The following GPC6 variants were observed in gnomAD, a reference collection of about 807,000 sequenced individuals.
The protein encoded by GPC6 is glypican-6.
Under a neutral mutation model 55.2 loss-of-function variants are expected in GPC6, and 14 were observed. The ratio of observed to expected loss-of-function variants is 0.25; its 90% CI spans 0.17 to 0.40. The LOEUF (loss-of-function observed/expected upper bound fraction) is 0.40, where lower values mean the gene tolerates loss of function less well. Among genes scored for constraint, GPC6 ranks in the 10% least tolerant of loss-of-function variants. The pLI is 1.00. For missense variants in GPC6, 641 were observed against 708.5 expected (o/e 0.90, Z 1.08); for synonymous variants, 278 against 259.6 (o/e 1.07, Z -0.68).
At chr13:93,640,090 A>G (rs1879849831) in intron 2 of GPC6, among the ~76,000 whole-genome samples, 1 of 152,138 alleles carries the variant, frequency 6.6e-6, no homozygotes, top group South Asian at 2.1e-4. Context: ...ATCAAAATTA[A>G]AAATATCTTT....
intron 3 of GPC6, among the ~76,000 whole-genome samples, chr13:93,859,216 G>A (rs1352855570): frequency 6.6e-6 from 1 of 151,546 alleles, no homozygotes; most frequent in African/African-American, 2.4e-5. Flanking sequence ...TTTTAAAAAT[G>A]CACAAACATG....
At chr13:93,913,226 A>G (rs187520317) in intron 3 of GPC6, among the ~76,000 whole-genome samples, 550 of 152,302 alleles carry the variant, frequency 3.6e-3, no homozygotes, top group Admixed American at 6.0e-3. Flanking sequence ...ATCCTGCTGT[A>G]TGTCTGCTGT....
chr13:93,504,480 T>C (rs949035796), intron 1 of GPC6, among the ~76,000 whole-genome samples: 3 of 117,240 alleles, frequency 2.6e-5, no homozygotes, highest in African/African-American at 7.7e-5. Flanking sequence ...AAAAACAACA[T>C]AGTTTTTTTT....
intron 3 of GPC6, among the ~76,000 whole-genome samples, chr13:93,881,564 T>C (rs1254963541): frequency 6.6e-6 from 1 of 152,096 alleles, no homozygotes; most frequent in East Asian, 1.9e-4. Flanking sequence ...TCAAGATCTG[T>C]ACTCTGGGTA....
chr13:93,794,383 G>A (rs4274304), intron 2 of GPC6, among the ~76,000 whole-genome samples: 50,166 of 152,068 alleles, frequency 0.33, 8,690 homozygotes, highest in African/African-American at 0.43. Context: ...GTGGGGCCCA[G>A]CAATCTGGTT....
intron 1 of GPC6, among the ~76,000 whole-genome samples, chr13:93,470,707 A>C: frequency 6.6e-6 from 1 of 152,194 alleles, no homozygotes; most frequent in African/African-American, 2.4e-5. Flanking sequence ...TAAATTTTAT[A>C]AAATTGGTGT....
In GPC6 at chr13:94,403,492, C is replaced by G. The variant is rs1881239904; in HGVS notation, c.*275C>G. On this transcript the variant is annotated 3_prime_UTR_variant, in exon 9 of 9. Transcript: ENST00000377047. ...TTTTCGTACCAGGAGATTTTCTTAC[C>G]TTCATTTGCTTTTATGCTGCAGAAG... 4.3e-6 allele frequency: 2 copies of G among 463,024 alleles called. No individual in the cohort carries two copies. The highest frequency in any genetic ancestry group is 2.0e-5 in the African/African-American group (1 of 50,484). The allele number at this position is 463,024 out of a possible 1,614,324, so 28.7% of individuals were successfully genotyped here. A position where few individuals can be genotyped will look rare whatever the true frequency, so the allele number is the denominator to read the frequency against.
At chr13:93,314,350 A>T (rs1038954487) in intron 1 of GPC6, among the ~76,000 whole-genome samples, 20 of 152,178 alleles carry the variant, frequency 1.3e-4, no homozygotes, top group African/African-American at 4.8e-4. Context: ...TAAGCACAGC[A>T]ATACACCCTC....
chr13:93,732,298 C>T (rs147261043), intron 2 of GPC6, among the ~76,000 whole-genome samples: 1 of 152,106 alleles, frequency 6.6e-6, no homozygotes, highest in African/African-American at 2.4e-5. Context: ...AGGATGTTTG[C>T]AGCTGACAGT....
chr13:93,284,543 T>C (rs1594072819), intron 1 of GPC6, among the ~76,000 whole-genome samples: 1 of 152,360 alleles, frequency 6.6e-6, no homozygotes, highest in East Asian at 1.9e-4. Context: ...CTGTTTGATA[T>C]GAGCCCTTGT....
intron 1 of GPC6, among the ~76,000 whole-genome samples, chr13:93,352,236 G>C (rs909441609): frequency 1.3e-5 from 2 of 152,006 alleles, no homozygotes; most frequent in East Asian, 3.9e-4. Context: ...TATGGTATGC[G>C]AATTTCACTT....
intron 1 of GPC6, among the ~76,000 whole-genome samples, chr13:93,375,659 T>G (rs1176716210): frequency 6.6e-6 from 1 of 152,224 alleles, no homozygotes; most frequent in Non-Finnish European, 1.5e-5. Flanking sequence ...CCATTCTGGC[T>G]GGACAACCTG....
intron 3 of GPC6, among the ~76,000 whole-genome samples, chr13:93,950,961 A>C (rs1475594097): frequency 6.6e-6 from 1 of 152,146 alleles, no homozygotes; most frequent in Non-Finnish European, 1.5e-5. Flanking sequence ...TCTTTAGAAG[A>C]ATTTGCCCAT....
At chr13:93,469,369 C>T (rs1879028556) in intron 1 of GPC6, among the ~76,000 whole-genome samples, 1 of 152,056 alleles carries the variant, frequency 6.6e-6, no homozygotes, top group African/African-American at 2.4e-5. Flanking sequence ...GGATATGATA[C>T]AAGATAAAAG....
At chr13:94,362,569 G>A (rs1879106810) in intron 6 of GPC6, among the ~76,000 whole-genome samples, 1 of 152,126 alleles carries the variant, frequency 6.6e-6, no homozygotes. Context: ...ACAAAGACTG[G>A]ACAACACTGC....
At chr13:93,451,622 A>G (rs1290995235) in intron 1 of GPC6, among the ~76,000 whole-genome samples, 1 of 152,272 alleles carries the variant, frequency 6.6e-6, no homozygotes, top group African/African-American at 2.4e-5. Context: ...GAGTAGTTGC[A>G]GCAGGGACCT....
At chr13:94,369,542 G>A (rs957767795) in intron 6 of GPC6, among the ~76,000 whole-genome samples, 1 of 152,228 alleles carries the variant, frequency 6.6e-6, no homozygotes, top group African/African-American at 2.4e-5. Context: ...GTGTTGGAAT[G>A]TGTTTATGAG....
chr13:93,543,040 G>T (rs1281440917), intron 1 of GPC6, among the ~76,000 whole-genome samples: 1 of 152,068 alleles, frequency 6.6e-6, no homozygotes, highest in Non-Finnish European at 1.5e-5. Flanking sequence ...TGATCACCGT[G>T]GCCAGAACTT....
chr13:93,426,362 A>G (rs1877126306), intron 1 of GPC6, among the ~76,000 whole-genome samples: 1 of 150,776 alleles, frequency 6.6e-6, no homozygotes. Context: ...CATTAGGTAT[A>G]TCTCCTAAAG....
Sources: allele counts gnomAD v4.1 joint callset (sites outside exome capture counted in the v4.1 genomes callset), GRCh38; gene constraint gnomAD v4.1.1; transcripts MANE v1.5; gene names NCBI Gene and HGNC (gene_info 2026-07-23, HGNC 2026-07-21).